Variants in TBCK observed in about 807,000 individuals in gnomAD.
TBCK encodes the protein TBC1 domain containing kinase.
In TBCK, 99 loss-of-function variants were observed where a neutral mutation model predicts 113.4. That is an observed-to-expected ratio of 0.87 (90% CI 0.74 to 1.03). The LOEUF (loss-of-function observed/expected upper bound fraction) is 1.03. Ranked by LOEUF, TBCK falls within the 50% of genes least tolerant of loss-of-function variation. The pLI is 0.00. For missense variants in TBCK, 1,045 were observed against 1,061.3 expected (o/e 0.98, Z 0.21); for synonymous variants, 369 against 370.8 (o/e 1.00, Z 0.05).
At chr4:106,083,321 C>A (rs73836974) in intron 25 of TBCK, among the ~76,000 whole-genome samples, 1 of 151,848 alleles carries the variant, frequency 6.6e-6, no homozygotes, top group East Asian at 1.9e-4. Flanking sequence ...TGGCAGTCTG[C>A]GGCCAAAGTG....
Position 106,193,652 on chromosome 4 carries a change from A to G in TBCK, c.2016T>C (p.Ala672=), listed in dbSNP as rs1579194779. The part of the protein sequence containing the change: ...ILQQLRDRLL[A]NGFNECILLF... The stretch of plus-strand genomic sequence containing the variant: ...GAAGAATACACTCATTAAAGCCATT[A>G]GCCAAAAGCCGGTCCCGCAGCTGCT... Residue 672 remains alanine, a synonymous_variant, in exon 22 of 26, where the codon GCT becomes GCC. Coordinates refer to ENST00000394708, the MANE Select transcript of TBCK (RefSeq NM_001163435.3). 6.2e-7 allele frequency: 1 copy of G among 1,613,664 alleles called. No individual in the cohort carries two copies. The highest frequency in any genetic ancestry group is 2.2e-5 in the East Asian group (1 of 44,864).
intron 25 of TBCK, among the ~76,000 whole-genome samples, chr4:106,072,291 T>C (rs982754317): frequency 6.6e-6 from 1 of 152,160 alleles, no homozygotes; most frequent in Non-Finnish European, 1.5e-5. Flanking sequence ...GGTAGGCCTG[T>C]TGGCGACAAA....
In TBCK at chr4:106,231,898, T is replaced by A. The variant is rs1239771523; in HGVS notation, c.1640-119A>T. Reference sequence around the variant, plus strand: ...AGTAGATTAAACATTAGAAGTATTATCCATCCAGAAATATGTTACTTCATG... The same window carrying A: ...AGTAGATTAAACATTAGAAGTATTAACCATCCAGAAATATGTTACTTCATG... On this transcript the variant is annotated intron_variant, in intron 17 of 25. Transcript: ENST00000394708. The A allele has an allele frequency of 3.3e-6, 3 of 900,592 alleles. No homozygotes were observed. The African/African-American group carries it at 5.1e-5, about 15-fold the overall frequency. The allele number at this position is 900,592 out of a possible 1,614,324, so 55.8% of individuals were successfully genotyped here.
At chr4:106,076,912 T>C (rs993254821) in intron 25 of TBCK, among the ~76,000 whole-genome samples, 3 of 151,892 alleles carry the variant, frequency 2.0e-5, no homozygotes, top group Non-Finnish European at 4.4e-5. Context: ...GAAACAAGCC[T>C]GGGAAGCAAA....
chr4:106,227,821 C>A (rs1758403052), intron 19 of TBCK, among the ~76,000 whole-genome samples: 1 of 151,866 alleles, frequency 6.6e-6, no homozygotes, highest in Non-Finnish European at 1.5e-5. Context: ...TTAAAATACA[C>A]AGAATCTTGT....
intron 25 of TBCK, among the ~76,000 whole-genome samples, chr4:106,088,369 T>C (rs529611552): frequency 2.0e-5 from 3 of 152,190 alleles, no homozygotes; most frequent in South Asian, 2.1e-4. Context: ...ACATCACTGG[T>C]CATCAGAGCA....
chr4:106,120,323 A>G (rs28790351), intron 23 of TBCK, among the ~76,000 whole-genome samples: 59,913 of 151,576 alleles, frequency 0.4, 12,104 homozygotes, highest in South Asian at 0.47. Context: ...TTACGCCCAC[A>G]GAGTCTCGCT....
At chr4:106,153,651 C>T (rs574307186) in intron 23 of TBCK, among the ~76,000 whole-genome samples, 2 of 152,194 alleles carry the variant, frequency 1.3e-5, no homozygotes, top group East Asian at 3.9e-4. Flanking sequence ...GTATCCAGTG[C>T]TGAAACAAGA....
intron 23 of TBCK, chr4:106,163,184 A>G (rs991984620): frequency 6.6e-6 from 1 of 152,288 alleles, no homozygotes; most frequent in Non-Finnish European, 1.5e-5. Flanking sequence ...CAGTTCCCAA[A>G]AAGTTCCTCA....
At position 106,169,904 on chromosome 4, in the gene TBCK, G is replaced by T. The variant is rs71599100; in HGVS notation, c.2235+1191C>A. On this transcript the variant is annotated intron_variant, in intron 23 of 25. Coordinates refer to ENST00000394708, the MANE Select transcript of TBCK (RefSeq NM_001163435.3). The stretch of plus-strand genomic sequence containing the variant: ...TCCCTCACATGCGCAGTTCACAAGA[G>T]GATTTGTGCTCCTATGAGACTGTAA... Among the ~76,000 whole-genome samples, 4 of 152,050 alleles carry T rather than the reference G, an allele frequency of 2.6e-5. No individual in the cohort carries two copies. In the South Asian group the frequency reaches 8.3e-4, roughly 32 times the overall value.
rs113225137 is a variant in TBCK, at chr4:106,080,200, CA to C, written c.2571+15281del. ...AAGCTATTCTAAAGTTGGCATGAAC[CA>C]AAAAAAAAAAAGTCCAAATCATCAA... On this transcript the variant is annotated intron_variant, in intron 25 of 25. Transcript: ENST00000394708. 2.1e-3 allele frequency among the ~76,000 whole-genome samples: 296 copies of C among 139,876 alleles called. 2 individuals are homozygous for C. The highest frequency in any genetic ancestry group is 2.2e-3 in the Admixed American group (31 of 14,010). 91.8% of individuals were successfully genotyped at this position (139,876 alleles called of 152,430 possible).
chr4:106,204,751 A>ATTTTT (rs34775295), intron 20 of TBCK, among the ~76,000 whole-genome samples: 38 of 87,274 alleles, frequency 4.4e-4, no homozygotes, highest in African/African-American at 1.1e-3. Context: ...ACAAACAATG[A>ATTTTT]TTTTTTTTTT....
At chr4:106,077,346 T>A (rs1738323232) in intron 25 of TBCK, among the ~76,000 whole-genome samples, 1 of 152,148 alleles carries the variant, frequency 6.6e-6, no homozygotes, top group African/African-American at 2.4e-5. Flanking sequence ...GTAAACAGGC[T>A]AAATGCCTCG....
At chr4:106,138,664 T>G (rs899487786) in intron 23 of TBCK, among the ~76,000 whole-genome samples, 2 of 141,026 alleles carry the variant, frequency 1.4e-5, no homozygotes, top group Non-Finnish European at 3.2e-5. Flanking sequence ...TAGGGTGGTG[T>G]TGGTGTTGGT....
intron 1 of TBCK, among the ~76,000 whole-genome samples, chr4:106,310,770 G>C (rs1768116410): frequency 6.6e-6 from 1 of 152,048 alleles, no homozygotes; most frequent in East Asian, 1.9e-4. Flanking sequence ...GATAGTTGAG[G>C]AAAGACTACA....
chr4:106,074,822 T>A (rs541835566), intron 25 of TBCK, among the ~76,000 whole-genome samples: 31 of 152,118 alleles, frequency 2.0e-4, no homozygotes, highest in Non-Finnish European at 4.1e-4. Flanking sequence ...GGTAAATGTG[T>A]TGTGGAGAGA....
chr4:106,260,813 CA>C (rs1351212491), intron 4 of TBCK, among the ~76,000 whole-genome samples: 2 of 151,744 alleles, frequency 1.3e-5, no homozygotes, highest in Non-Finnish European at 2.9e-5. Flanking sequence ...TTTCACAAAA[CA>C]AAAAGGCAAA....
At chr4:106,130,613 C>CAA (rs1213661663) in intron 23 of TBCK, among the ~76,000 whole-genome samples, 4 of 151,584 alleles carry the variant, frequency 2.6e-5, no homozygotes, top group African/African-American at 9.7e-5. Flanking sequence ...CACACACACA[C>CAA]ACACACACAC....
chr4:106,303,187 A>C (rs919043583), intron 2 of TBCK, among the ~76,000 whole-genome samples: 1 of 152,176 alleles, frequency 6.6e-6, no homozygotes, highest in Non-Finnish European at 1.5e-5. Flanking sequence ...TAATTGGTAA[A>C]TATATGACAT....
Sources: allele counts gnomAD v4.1 joint callset (sites outside exome capture counted in the v4.1 genomes callset), GRCh38; gene constraint gnomAD v4.1.1; transcripts MANE v1.5; gene names NCBI Gene and HGNC (gene_info 2026-07-23, HGNC 2026-07-21).